Variants in EMC1 observed in about 807,000 individuals in gnomAD.
EMC1 encodes ER membrane protein complex subunit 1.
Under a neutral mutation model 128.8 loss-of-function variants are expected in EMC1, and 103 were observed. The observed-to-expected ratio is 0.80, with a 90% CI of 0.68 to 0.94. EMC1 has a LOEUF of 0.94. Among genes scored for constraint, EMC1 ranks in the 40% least tolerant of loss-of-function variants. The probability of loss-of-function intolerance (pLI) is 0.00; values close to 1 mark genes in which losing one functional copy is unlikely to be tolerated. For synonymous variants in EMC1, 442 were observed against 490.4 expected (o/e 0.90, Z 1.30); for missense variants, 1,083 against 1,250.6 (o/e 0.87, Z 2.02).
Position 19,235,357 on chromosome 1 carries a change from C to G in EMC1, c.1310-105G>C, listed in dbSNP as rs973094171. On this transcript the variant is annotated intron_variant, in intron 12 of 22. Coordinates refer to ENST00000477853, the MANE Select transcript of EMC1 (RefSeq NM_015047.3). ...CCAAGGTGGGTGAATCTCTTGAGCC[C>G]AGGAATTTGAGACCAGCCTGGACAA... The G allele has an allele frequency of 2.0e-5, 25 of 1,256,936 alleles. No individual in the cohort carries two copies. In the East Asian group the frequency reaches 6.3e-4, roughly 32 times the overall value. 77.9% of individuals were successfully genotyped at this position (1,256,936 alleles called of 1,614,324 possible).
intron 14 of EMC1, 41 bp from the exon 15 acceptor site, chr1:19,232,814 A>T: frequency 6.2e-7 from 1 of 1,613,314 alleles, no homozygotes; most frequent in Non-Finnish European, 8.5e-7. Context: ...CTAGAAAGAG[A>T]AACCAAAGAA....
At chr1:19,228,486 G>T (rs986894055) in intron 17 of EMC1, among the ~76,000 whole-genome samples, 1 of 152,082 alleles carries the variant, frequency 6.6e-6, no homozygotes, top group African/African-American at 2.4e-5. Context: ...CGGAGCCCTT[G>T]GGGGTGGAGA....
chr1:19,235,215 C>G lies in EMC1; in HGVS notation c.1347G>C (p.Leu449=). ...KVVLWSREES[L]AEVVCLEMVD... is the part of the protein sequence containing the mutation. Reference sequence around the variant, plus strand: ...CCATCTCTAGGCACACCACTTCTGCCAGGGACTCCTCACGGCTCCACAGCA... The same window carrying G: ...CCATCTCTAGGCACACCACTTCTGCGAGGGACTCCTCACGGCTCCACAGCA... Residue 449 remains leucine (L), a synonymous_variant, in exon 13 of 23, where the codon CTG becomes CTC. Transcript: ENST00000477853. The G allele has an allele frequency of 6.2e-7, 1 of 1,613,778 alleles. No individual in the cohort carries two copies. The highest frequency in any genetic ancestry group is 8.5e-7 in the Non-Finnish European group (1 of 1,179,818).
At chr1:19,233,215 C>G (rs1043210680) in intron 13 of EMC1, 80 bp from the exon 14 acceptor site, 2 of 1,239,188 alleles carry the variant, frequency 1.6e-6, no homozygotes, top group Non-Finnish European at 2.3e-6. Flanking sequence ...AATGAGGGAT[C>G]TCTGCCTCTC....
chr1:19,226,059 T>C (rs1057267035), intron 18 of EMC1, among the ~76,000 whole-genome samples: 1 of 152,198 alleles, frequency 6.6e-6, no homozygotes, highest in Non-Finnish European at 1.5e-5. Flanking sequence ...CACTGGCTCA[T>C]GCTTAGTGAT....
rs554931618 is a variant in EMC1, at chr1:19,248,665, G to A, written c.95+2750C>T. ...GACCTCTTGACTTCGTGATCCACCCGCCTCGGCCTCCCAAAGTGCTGGGAT... is the reference window on the plus strand; with the variant it reads ...GACCTCTTGACTTCGTGATCCACCCACCTCGGCCTCCCAAAGTGCTGGGAT... On this transcript the variant is annotated intron_variant, in intron 1 of 22. Coordinates refer to ENST00000477853, the MANE Select transcript of EMC1 (RefSeq NM_015047.3). Among the ~76,000 whole-genome samples the A allele has an allele frequency of 2.0e-3, 297 of 152,076 alleles. 1 individual carries two copies. Among genetic ancestry groups the A allele is most frequent in the African/African-American group, 6.6e-3 (275 of 41,508 alleles).
In EMC1 at chr1:19,222,671, A is replaced by G. The variant is rs770184000; in HGVS notation, c.2540T>C (p.Met847Thr). 13 of 1,614,010 alleles carry G rather than the reference A, an allele frequency of 8.1e-6. No homozygotes were observed. The highest frequency in any genetic ancestry group is 4.5e-5 in the East Asian group (2 of 44,890). The part of the protein sequence containing the change: ...SYIFPSSISA[M>T]EATITERGIT... ...GCCCCGTTCGGTGATGGTGGCCTCCATGGCACTGATGGAGGACGGGAAGAT... is the reference window on the plus strand; with the variant it reads ...GCCCCGTTCGGTGATGGTGGCCTCCGTGGCACTGATGGAGGACGGGAAGAT... Residue 847 changes from methionine to threonine, a missense_variant, in exon 20 of 23, where the codon ATG becomes ACG. Met to Thr is a moderately conservative substitution (Grantham distance 81). This residue lies in a region of EMC1 where 527 missense variants were observed against 644.1 expected (regional missense o/e 0.82). Transcript: ENST00000477853.
intron 19 of EMC1, among the ~76,000 whole-genome samples, 187 bp downstream of exon 19, chr1:19,223,209 C>T (rs1435130485): frequency 2.0e-5 from 3 of 152,164 alleles, no homozygotes; most frequent in South Asian, 4.1e-4. Flanking sequence ...AGTCAGGAAA[C>T]GGAAGAGGTA....
At position 19,216,898 on chromosome 1, in the gene EMC1, C is replaced by A. The variant is rs183106225; in HGVS notation, c.*2405G>T. ...TGTAGATAGAGTCTTGCTATGTTGC[C>A]CAGGCTGGTCTGGAACTCCTGGGCT... On this transcript the variant is annotated 3_prime_UTR_variant, in exon 23 of 23. Transcript: ENST00000477853. 6.6e-6 allele frequency: 1 copy of A among 152,154 alleles called. No individual in the cohort carries two copies. The highest frequency in any genetic ancestry group is 2.4e-5 in the African/African-American group (1 of 41,396). 9.4% of individuals were successfully genotyped at this position (152,154 alleles called of 1,614,324 possible).
rs148311067 is a variant in EMC1 at position 19,242,429 on chromosome 1, T to C, written c.425A>G (p.Tyr142Cys). 8 of 1,614,026 alleles carry C rather than the reference T, an allele frequency of 5.0e-6. No individual in the cohort carries two copies. The African/African-American group carries it at 9.3e-5, about 19-fold the overall frequency. The change falls in exon 5 of 23, where the codon TAC becomes TGC. Residue 142 changes from tyrosine (Y) to cysteine (C), a missense_variant. By Grantham distance (194) the Tyr-to-Cys change is radical. Around this residue, in one of 3 missense-constraint regions of EMC1, gnomAD observed 544 missense variants for 572.4 expected, o/e 0.95. Transcript: ENST00000477853. ...TGTAGTCTTCTTCAGGACTGCGATG[T>C]ACCTTACAGACTCCTGCAGGCCAAC... Reference protein sequence around the residue: ...GLVGLQESVRYIAVLKKTTLA... With the variant: ...GLVGLQESVRCIAVLKKTTLA...
At chr1:19,231,656 A>G (rs960142765) in intron 15 of EMC1, among the ~76,000 whole-genome samples, 2 of 152,146 alleles carry the variant, frequency 1.3e-5, no homozygotes, top group African/African-American at 4.8e-5. Flanking sequence ...GTCTCTCTCT[A>G]TCACCCAAGC....
Position 19,219,446 on chromosome 1 carries a change from C to A in EMC1, c.2839G>T (p.Val947Phe). The A allele has an allele frequency of 6.2e-7, 1 of 1,613,888 alleles. No individual in the cohort carries two copies. The highest frequency in any genetic ancestry group is 8.5e-7 in the Non-Finnish European group (1 of 1,180,002). ...ACGTCAAACTGCTTGGATGGGTAGACTCGAGTTTGGTAAATGTCCAAACCA... is the reference window on the plus strand; with the variant it reads ...ACGTCAAACTGCTTGGATGGGTAGAATCGAGTTTGGTAAATGTCCAAACCA... ...AYGLDIYQTR[V>F]YPSKQFDVLK... The change falls in exon 23 of 23, where the codon GTC becomes TTC. Residue 947 changes from valine to phenylalanine, a missense_variant. Val to Phe is a conservative substitution (Grantham distance 50, BLOSUM62 -1). Transcript: ENST00000477853.
Position 19,226,702 on chromosome 1 carries a change from T to C in EMC1, c.2202+611A>G, listed in dbSNP as rs140489693. ...TCCCGAGTAGCTGAGACCACAGGCATGCACCACCATGCCCAGCTAATTGTT... is the reference window on the plus strand; with the variant it reads ...TCCCGAGTAGCTGAGACCACAGGCACGCACCACCATGCCCAGCTAATTGTT... On this transcript the variant is annotated intron_variant, in intron 18 of 22. Transcript: ENST00000477853. 1.8e-4 allele frequency among the ~76,000 whole-genome samples: 27 copies of C among 151,448 alleles called. No individual in the cohort carries two copies. In the East Asian group the frequency reaches 3.9e-3, roughly 22 times the overall value.
At chr1:19,245,884 T>C (rs2093629999) in intron 1 of EMC1, among the ~76,000 whole-genome samples, 1 of 151,696 alleles carries the variant, frequency 6.6e-6, no homozygotes, top group African/African-American at 2.4e-5. Context: ...GCCTCGGCCT[T>C]CCAAAGTGTT....
intron 20 of EMC1, chr1:19,221,354 G>C (rs934104603): frequency 6.5e-6 from 1 of 152,952 alleles, no homozygotes. Flanking sequence ...GAATTCAATA[G>C]GCCAGTCGCG....
rs778938462 is a variant in EMC1, at chr1:19,220,792, G to A, written c.2644C>T (p.Arg882Cys). 11 of 1,613,270 alleles carry A rather than the reference G, an allele frequency of 6.8e-6. No individual in the cohort carries two copies. Among genetic ancestry groups the A allele is most frequent in the South Asian group, 5.5e-5 (5 of 91,016 alleles). ...CTTTGTTCTGTTGGGATCTCGGGGCGGCGGGGATCCAGCAAAGCCTTAGGA... is the reference window on the plus strand; with the variant it reads ...CTTTGTTCTGTTGGGATCTCGGGGCAGCGGGGATCCAGCAAAGCCTTAGGA... ...SLPKALLDPR[R>C]PEIPTEQSRE... is the part of the protein sequence containing the mutation. The change falls in exon 21 of 23, where the codon CGC (arginine) becomes TGC (cysteine). Residue 882 changes from arginine to cysteine, a missense_variant. Physicochemically the swap from Arg to Cys is radical, Grantham distance 180. Coordinates refer to ENST00000477853, the MANE Select transcript of EMC1 (RefSeq NM_015047.3).
chr1:19,242,725 G>A (rs937099606), intron 4 of EMC1, among the ~76,000 whole-genome samples: 3 of 152,054 alleles, frequency 2.0e-5, no homozygotes, highest in African/African-American at 7.3e-5. Flanking sequence ...CCTTCCCCTG[G>A]GACTTCACAG....
At chr1:19,240,484 G>A (rs753286080) in intron 6 of EMC1, 38 bp from the exon 7 acceptor site, 2 of 1,611,308 alleles carry the variant, frequency 1.2e-6, no homozygotes, top group African/African-American at 2.7e-5. Flanking sequence ...GCTCGTGAAA[G>A]ATTTTTACAT....
intron 12 of EMC1, among the ~76,000 whole-genome samples, chr1:19,236,089 A>G (rs759223837): frequency 6.6e-6 from 1 of 152,006 alleles, no homozygotes; most frequent in Non-Finnish European, 1.5e-5. Context: ...AAAAGCAGGT[A>G]ACGGGGCCGG....
Sources: allele counts gnomAD v4.1 joint callset (sites outside exome capture counted in the v4.1 genomes callset), GRCh38; gene constraint gnomAD v4.1.1; regional missense constraint gnomAD v4.1.1; transcripts MANE v1.5; gene names NCBI Gene and HGNC (gene_info 2026-07-23, HGNC 2026-07-21).